TIAM2: variants seen among roughly 807,000 people sequenced by gnomAD.
TIAM2 encodes rho guanine nucleotide exchange factor TIAM2.
In TIAM2, 80 loss-of-function variants were observed where a neutral mutation model predicts 152.9. The ratio of observed to expected loss-of-function variants is 0.52; its 90% CI spans 0.44 to 0.63. TIAM2 has a LOEUF of 0.63. Among genes scored for constraint, TIAM2 ranks in the 30% least tolerant of loss-of-function variants. TIAM2 has a pLI of 0.00. For missense variants in TIAM2, 1,965 were observed against 2,120.1 expected (o/e 0.93, Z 1.44); for synonymous variants, 804 against 838.0 (o/e 0.96, Z 0.70).
At chr6:155,177,503 CCT>C (rs1232327683) in intron 10 of TIAM2, among the ~76,000 whole-genome samples, 1 of 152,076 alleles carries the variant, frequency 6.6e-6, no homozygotes, top group South Asian at 2.1e-4. Context: ...TAAAGAGAGC[CCT>C]CTGAGAGAGA....
intron 15 of TIAM2, chr6:155,216,966 A>G: frequency 8.2e-7 from 1 of 1,225,938 alleles, no homozygotes; most frequent in South Asian, 1.4e-5. Flanking sequence ...GATTTTTTTC[A>G]TTGCCTGGGG....
At chr6:155,036,909 C>T (rs560284133) in intron 1 of TIAM2, among the ~76,000 whole-genome samples, 67 of 152,244 alleles carry the variant, frequency 4.4e-4, no homozygotes, top group African/African-American at 1.5e-3. Flanking sequence ...TGAGCCACCG[C>T]GCCTGGCCTG....
chr6:155,101,629 A>G (rs1778551073), intron 2 of TIAM2, among the ~76,000 whole-genome samples: 1 of 152,198 alleles, frequency 6.6e-6, no homozygotes, highest in Admixed American at 6.5e-5. Context: ...AGTAAAGAAT[A>G]TGGAAGGAGT....
chr6:155,173,199 G>GTGTGTGTGTCTGTC (rs141491120), intron 9 of TIAM2, among the ~76,000 whole-genome samples: 12 of 149,770 alleles, frequency 8.0e-5, no homozygotes, highest in Admixed American at 2.0e-4. Context: ...GTGTGTGTGT[G>GTGTGTGTGTCTGTC]TGTCTGTCTG....
intron 9 of TIAM2, among the ~76,000 whole-genome samples, chr6:155,176,076 C>T (rs1174288015): frequency 6.6e-6 from 1 of 152,190 alleles, no homozygotes; most frequent in East Asian, 1.9e-4. Context: ...GTCAGGATGG[C>T]AGGCAGATGT....
intron 9 of TIAM2, among the ~76,000 whole-genome samples, chr6:155,166,065 G>C (rs1176290727): frequency 1.3e-5 from 2 of 152,136 alleles, no homozygotes; most frequent in Non-Finnish European, 2.9e-5. Flanking sequence ...GCTCAGTTCT[G>C]TTGATAGAGC....
chr6:155,030,875 A>G (rs562625991), intron 1 of TIAM2, among the ~76,000 whole-genome samples: 1 of 152,238 alleles, frequency 6.6e-6, no homozygotes, highest in South Asian at 2.1e-4. Flanking sequence ...TTAAATCAGG[A>G]TCTCAACTGT....
At chr6:155,018,931 T>C (rs1483103019) in intron 1 of TIAM2, among the ~76,000 whole-genome samples, 1 of 147,496 alleles carries the variant, frequency 6.8e-6, no homozygotes, top group African/African-American at 2.5e-5. Context: ...TCCCAGCTAC[T>C]TGGGAGGCTG....
chr6:155,004,165 C>T (rs769242290), intron 1 of TIAM2, among the ~76,000 whole-genome samples: 5 of 151,956 alleles, frequency 3.3e-5, no homozygotes, highest in Non-Finnish European at 5.9e-5. Context: ...CATGAGCCAC[C>T]GTGCCTAGCT....
chr6:155,227,274 T>C (rs1782283110), intron 15 of TIAM2, among the ~76,000 whole-genome samples: 1 of 152,226 alleles, frequency 6.6e-6, no homozygotes, highest in Non-Finnish European at 1.5e-5. Flanking sequence ...GCATGCGGAA[T>C]GGCTTTGTAA....
chr6:155,160,471 T>C (rs1562336616), intron 7 of TIAM2, among the ~76,000 whole-genome samples: 1 of 152,140 alleles, frequency 6.6e-6, no homozygotes, highest in Non-Finnish European at 1.5e-5. Flanking sequence ...CCCAGAATAA[T>C]GTTTGACTAA....
intron 15 of TIAM2, among the ~76,000 whole-genome samples, chr6:155,222,323 G>T (rs1249610459): frequency 8.6e-3 from 1 of 116 alleles, no homozygotes; most frequent in Non-Finnish European, 0.016. Flanking sequence ...ACATGGGTTG[G>T]GTGGGCGTGG....
At chr6:155,164,677 C>G in intron 8 of TIAM2, 77 bp downstream of exon 8, 1 of 1,517,290 alleles carries the variant, frequency 6.6e-7, no homozygotes, top group Admixed American at 1.8e-5. Context: ...AGCTTGTTGC[C>G]ATCGGCACTT....
chr6:155,134,161 GTA>G (rs762205150), intron 4 of TIAM2, among the ~76,000 whole-genome samples: 33 of 151,736 alleles, frequency 2.2e-4, no homozygotes, highest in East Asian at 7.8e-4. Flanking sequence ...GTGTGTGTGT[GTA>G]TATATATATA....
chr6:155,181,364 A>G (rs1384108692), intron 12 of TIAM2, among the ~76,000 whole-genome samples: 1 of 152,090 alleles, frequency 6.6e-6, no homozygotes, highest in Non-Finnish European at 1.5e-5. Context: ...TCAACCCCAA[A>G]CATAGTTGTT....
At chr6:155,082,581 C>T (rs562445130) in intron 1 of TIAM2, among the ~76,000 whole-genome samples, 21 of 151,598 alleles carry the variant, frequency 1.4e-4, no homozygotes, top group East Asian at 5.8e-4. Flanking sequence ...ACCCAGAAGG[C>T]GGAGGTTGCA....
At position 155,047,700 on chromosome 6, in the gene TIAM2, A is replaced by AGAGAG. The variant is rs1562300184; in HGVS notation, c.-208-42588_-208-42584dup. On this transcript the variant is annotated intron_variant, in intron 1 of 26. Transcript: ENST00000682666. ...AGAGAGAGAGAGAGGAGAGAGAGAG[A>AGAGAG]GAGAGCGAGAGAGAGAGAGAGAGAG... 1.4e-3 allele frequency among the ~76,000 whole-genome samples: 36 copies of AGAGAG among 25,798 alleles called. 1 individual carries two copies. Among genetic ancestry groups the AGAGAG allele is most frequent in the African/African-American group, 5.6e-3 (33 of 5,870 alleles). 16.9% of individuals were successfully genotyped at this position (25,798 alleles called of 152,430 possible). A position where few individuals can be genotyped will look rare whatever the true frequency, so the allele number is the denominator to read the frequency against.
intron 15 of TIAM2, among the ~76,000 whole-genome samples, chr6:155,219,928 G>T (rs1315264863): frequency 6.6e-6 from 1 of 152,234 alleles, no homozygotes; most frequent in East Asian, 1.9e-4. Context: ...TTCCAAGCAA[G>T]TGGCTGCCTG....
At chr6:155,014,682 A>G (rs190173364) in intron 1 of TIAM2, among the ~76,000 whole-genome samples, 9 of 152,098 alleles carry the variant, frequency 5.9e-5, no homozygotes, top group Admixed American at 2.6e-4. Context: ...TTGTCATTTT[A>G]TATTATGTGG....
Sources: gnomAD v4.1 joint callset for allele counts (sites outside exome capture counted in the v4.1 genomes callset) on GRCh38, gnomAD v4.1.1 for gene constraint, MANE v1.5 for transcripts, NCBI Gene and HGNC (gene_info 2026-07-23, HGNC 2026-07-21) for gene names.